NPNT: variants seen among roughly 807,000 people sequenced by gnomAD.
NPNT encodes preosteoblast EGF-like repeat protein with MAM domain.
NPNT carries 45 observed loss-of-function variants against 68.6 expected under a neutral mutation model. That is an observed-to-expected ratio of 0.66 (90% CI 0.52 to 0.84). NPNT has a LOEUF of 0.84. Among genes scored for constraint, NPNT ranks in the 40% least tolerant of loss-of-function variants. NPNT has a pLI of 0.00. For missense variants in NPNT, 672 were observed against 714.8 expected (o/e 0.94, Z 0.68); for synonymous variants, 233 against 253.3 (o/e 0.92, Z 0.76).
At chr4:105,947,508 A>AC (rs1730479082) in intron 8 of NPNT, among the ~76,000 whole-genome samples, 1 of 152,058 alleles carries the variant, frequency 6.6e-6, no homozygotes, top group Admixed American at 6.6e-5. Flanking sequence ...CACTCATCCC[A>AC]CCACTGGAGC....
intron 1 of NPNT, among the ~76,000 whole-genome samples, chr4:105,896,880 A>C (rs971776879): frequency 1.3e-5 from 2 of 152,204 alleles, no homozygotes; most frequent in Non-Finnish European, 1.5e-5. Context: ...GGAATTGAAA[A>C]AGATAAGGAG....
At position 105,967,364 on chromosome 4, in the gene NPNT, G is replaced by A. The variant is rs1359908292; in HGVS notation, c.1522G>A (p.Gly508Arg). ...GTTTGTGAGAAAACACGGTGCCCAC[G>A]GAGCAGCCCTGTGGGGAAGAAATGG... ...QVFVRKHGAHGAALWGRNGGH... is the reference protein window; with the variant it reads ...QVFVRKHGAHRAALWGRNGGH... Residue 508 changes from glycine to arginine, a missense_variant, in exon 11 of 12, where the codon GGA becomes AGA. Gly to Arg is a moderately radical substitution (Grantham distance 125, BLOSUM62 -2). Transcript: ENST00000379987. 9.3e-6 allele frequency: 15 copies of A among 1,608,950 alleles called. No homozygotes were observed. The highest frequency in any genetic ancestry group is 2.2e-5 in the East Asian group (1 of 44,754).
intron 2 of NPNT, 44 bp from the exon 3 acceptor site, chr4:105,927,292 G>C (rs1308023479): frequency 7.9e-7 from 1 of 1,266,976 alleles, no homozygotes. Flanking sequence ...TATGATTGGT[G>C]TTTCGTTGAC....
chr4:105,928,391 A>G lies in NPNT; in HGVS notation c.265+963A>G, dbSNP rs1374777518. On this transcript the variant is annotated intron_variant, in intron 3 of 11. Transcript: ENST00000379987. ...CACTTTGGGAAGCTGAGGCGAGTGG[A>G]TCACCTGAGGTTGGGAGTTCAAGAC... Among the ~76,000 whole-genome samples the G allele has an allele frequency of 2.6e-5, 4 of 152,156 alleles. 1 individual carries two copies. The highest frequency in any genetic ancestry group is 2.6e-4 in the Admixed American group (4 of 15,274).
At chr4:105,921,596 G>T (rs1728261547) in intron 2 of NPNT, among the ~76,000 whole-genome samples, 1 of 152,132 alleles carries the variant, frequency 6.6e-6, no homozygotes, top group Non-Finnish European at 1.5e-5. Flanking sequence ...CTATAGTACA[G>T]GGTATTAGGA....
At position 105,895,549 on chromosome 4, in the gene NPNT, G is replaced by A; in HGVS notation, c.-104G>A. The A allele has an allele frequency of 1.1e-6, 1 of 936,034 alleles. No individual in the cohort carries two copies. Among genetic ancestry groups the A allele is most frequent in the Non-Finnish European group, 1.6e-6 (1 of 619,744 alleles). 58.0% of individuals were successfully genotyped at this position (936,034 alleles called of 1,614,324 possible). On this transcript the variant is annotated 5_prime_UTR_variant, in exon 1 of 12. Transcript: ENST00000379987. ...AGCAGTAGCCCGGGCGGCGAGGGCT[G>A]GGGGTTCCTCGAGACTCTCAGAGGG...
At chr4:105,908,979 A>G (rs1727138931) in intron 2 of NPNT, among the ~76,000 whole-genome samples, 1 of 152,232 alleles carries the variant, frequency 6.6e-6, no homozygotes, top group Admixed American at 6.5e-5. Context: ...GACTTTCCAG[A>G]CATAAACTTC....
At chr4:105,901,395 T>C (rs530218280) in intron 2 of NPNT, among the ~76,000 whole-genome samples, 3 of 152,358 alleles carry the variant, frequency 2.0e-5, no homozygotes, top group African/African-American at 7.2e-5. Flanking sequence ...AGAAAAACTA[T>C]ATAGGATCTA....
intron 3 of NPNT, among the ~76,000 whole-genome samples, chr4:105,931,392 T>TG (rs1729091025): frequency 6.6e-6 from 1 of 152,070 alleles, no homozygotes; most frequent in Admixed American, 6.6e-5. Context: ...AGGAAAGAAT[T>TG]GGAGTCTTTT....
At position 105,953,058 on chromosome 4, in the gene NPNT, C is replaced by T. The variant is rs546307075; in HGVS notation, c.1160-5413C>T. The stretch of plus-strand genomic sequence containing the variant: ...GTGCACACCTGGAATCCCAGCTACT[C>T]GAGAGGCTGAGACAGGAGAATTGCT... On this transcript the variant is annotated intron_variant, in intron 8 of 11. Coordinates refer to ENST00000379987, the MANE Select transcript of NPNT (RefSeq NM_001033047.3). Among the ~76,000 whole-genome samples, 6 of 152,106 alleles carry T rather than the reference C, an allele frequency of 3.9e-5. No individual in the cohort carries two copies. In the East Asian group the frequency reaches 1.2e-3, roughly 29 times the overall value.
intron 1 of NPNT, 127 bp downstream of exon 1, chr4:105,895,850 C>T: frequency 1.2e-6 from 1 of 819,922 alleles, no homozygotes; most frequent in Non-Finnish European, 1.9e-6. Context: ...AGTTGGGCCA[C>T]CGCACAGCGT....
At chr4:105,918,996 T>G (rs963380490) in intron 2 of NPNT, among the ~76,000 whole-genome samples, 9 of 152,096 alleles carry the variant, frequency 5.9e-5, no homozygotes, top group African/African-American at 2.2e-4. Context: ...ATTTCCCGAG[T>G]GGTAGAGCTG....
At chr4:105,934,124 G>T (rs1052130367) in intron 3 of NPNT, among the ~76,000 whole-genome samples, 1 of 152,124 alleles carries the variant, frequency 6.6e-6, no homozygotes, top group Admixed American at 6.5e-5. Context: ...ATTTGAGACA[G>T]TATGATCAAT....
intron 7 of NPNT, 146 bp downstream of exon 7, chr4:105,940,782 A>G: frequency 1.4e-6 from 1 of 720,854 alleles, no homozygotes; most frequent in Non-Finnish European, 2.3e-6. Flanking sequence ...TTCCACAAAC[A>G]ATAAAATCAC....
At chr4:105,895,812 G>C (rs1361825265) in intron 1 of NPNT, 89 bp downstream of exon 1, 2 of 1,145,680 alleles carry the variant, frequency 1.7e-6, no homozygotes, top group Non-Finnish European at 2.5e-6. Flanking sequence ...GGGGTTTCGT[G>C]GTCAGAGAGG....
chr4:105,961,943 T>G (rs1731752295), intron 10 of NPNT, among the ~76,000 whole-genome samples: 1 of 152,108 alleles, frequency 6.6e-6, no homozygotes, highest in African/African-American at 2.4e-5. Flanking sequence ...AAAATTAGAT[T>G]AATGGGTCAC....
intron 3 of NPNT, among the ~76,000 whole-genome samples, chr4:105,928,642 CATTATT>C (rs1334169350): frequency 1.2e-4 from 18 of 147,880 alleles, no homozygotes; most frequent in African/African-American, 4.2e-4. Flanking sequence ...AAAAAAAAAT[CATTATT>C]AGGAATTAAA....
rs146458963 is a variant in NPNT, at chr4:105,963,019, G to A, written c.1345+3893G>A. On this transcript the variant is annotated intron_variant, in intron 10 of 11. Transcript: ENST00000379987. ...GTGGGTGGATCACCTGAGGTCAGGA[G>A]TTCAAGACCAGCCTGGCCAACATAG... 4.1e-3 allele frequency among the ~76,000 whole-genome samples: 626 copies of A among 152,214 alleles called. 5 individuals are homozygous for A. The highest frequency in any genetic ancestry group is 0.014 in the African/African-American group (573 of 41,510).
intron 3 of NPNT, chr4:105,932,807 A>C (rs1729219960): frequency 1.3e-6 from 1 of 766,740 alleles, no homozygotes; most frequent in Non-Finnish European, 2.1e-6. Flanking sequence ...AGGAGTGTCC[A>C]GCCTTCAGCC....
Sources: gnomAD v4.1 joint callset for allele counts (sites outside exome capture counted in the v4.1 genomes callset) on GRCh38, gnomAD v4.1.1 for gene constraint, MANE v1.5 for transcripts, NCBI Gene and HGNC (gene_info 2026-07-23, HGNC 2026-07-21) for gene names.